The following SMARCAL1 variants were observed in gnomAD, a reference collection of about 807,000 sequenced individuals.
SMARCAL1 encodes SNF2 related chromatin remodeling annealing helicase 1, also known as ATP-driven annealing helicase.
SMARCAL1 carries 58 observed loss-of-function variants against 94.5 expected under a neutral mutation model. The ratio of observed to expected loss-of-function variants is 0.61; its 90% CI spans 0.50 to 0.76. The LOEUF is 0.76. Ranked by LOEUF, SMARCAL1 falls within the 30% of genes least tolerant of loss-of-function variation. The pLI, the probability that SMARCAL1 is intolerant of heterozygous loss-of-function variation, is 0.00. For missense variants in SMARCAL1, 1,051 were observed against 1,177.9 expected, an observed-to-expected ratio of 0.89 and a Z score of 1.58; for synonymous variants, 422 against 455.1, an observed-to-expected ratio of 0.93 and a Z score of 0.93.
chr2:216,444,188 A>G (rs903271606), intron 10 of SMARCAL1, among the ~76,000 whole-genome samples: 2 of 152,198 alleles, frequency 1.3e-5, no homozygotes, highest in East Asian at 3.8e-4. Flanking sequence ...CTTCTCTTTG[A>G]TATTACCTGC....
intron 8 of SMARCAL1, among the ~76,000 whole-genome samples, chr2:216,433,341 C>T (rs1694007105): frequency 6.6e-6 from 1 of 152,086 alleles, no homozygotes; most frequent in Non-Finnish European, 1.5e-5. Context: ...GTCTTGGCCT[C>T]CCAAAGTGCT....
chr2:216,473,107 C>T (rs114478311), intron 14 of SMARCAL1, among the ~76,000 whole-genome samples: 20 of 152,226 alleles, frequency 1.3e-4, no homozygotes, highest in South Asian at 1.0e-3. Context: ...ATCTGCCACC[C>T]GCTGCCCCCA....
intron 5 of SMARCAL1, among the ~76,000 whole-genome samples, chr2:216,421,823 A>G (rs1238256932): frequency 6.6e-6 from 1 of 152,196 alleles, no homozygotes; most frequent in Non-Finnish European, 1.5e-5. Flanking sequence ...CCTCACATTC[A>G]AGCATTGTCC....
chr2:216,427,034 G>A (rs996441837), intron 6 of SMARCAL1: 11 of 152,166 alleles, frequency 7.2e-5, no homozygotes, highest in African/African-American at 2.7e-4. Flanking sequence ...AGTGAAATTG[G>A]CATAAGTCCT....
chr2:216,431,329 C>T (rs562726604), intron 7 of SMARCAL1, among the ~76,000 whole-genome samples: 22 of 152,340 alleles, frequency 1.4e-4, no homozygotes, highest in East Asian at 1.9e-4. Flanking sequence ...ACTATCCCAG[C>T]GGCTTATTAT....
chr2:216,478,062 G>T (rs886310373), intron 16 of SMARCAL1, 141 bp from the exon 17 acceptor site: 22 of 778,048 alleles, frequency 2.8e-5, no homozygotes, highest in Middle Eastern at 6.0e-4. Context: ...TTCAAGATGG[G>T]TGTTTGCACC....
Position 216,475,298 on chromosome 2 carries a change from C to T in SMARCAL1, c.2274C>T (p.Ser758=). The T allele has an allele frequency of 6.2e-7, 1 of 1,614,220 alleles. No individual in the cohort carries two copies. Among genetic ancestry groups the T allele is most frequent in the Middle Eastern group, 1.6e-4 (1 of 6,062 alleles). The change falls in exon 15 of 18, where the codon TCC becomes TCT. Residue 758 remains serine (S), a synonymous_variant. Transcript: ENST00000357276. The surrounding 1 kb of genome is among the most constrained non-coding windows in gnomAD (Gnocchi z 4.4). ...KHVQHIRIDG[S]TSSAEREDLC... ...TGCAGCACATCCGCATCGATGGCTC[C>T]ACCTCATCAGCTGAGCGGGAGGACC...
intron 11 of SMARCAL1, among the ~76,000 whole-genome samples, chr2:216,447,647 A>C (rs1379121522): frequency 1.4e-5 from 2 of 146,374 alleles, no homozygotes; most frequent in African/African-American, 5.2e-5. Flanking sequence ...TATGAAGTAA[A>C]GGTGGGAAAT....
At chr2:216,474,232 C>T (rs1401586659) in intron 14 of SMARCAL1, among the ~76,000 whole-genome samples, 6 of 147,038 alleles carry the variant, frequency 4.1e-5, no homozygotes, top group African/African-American at 7.5e-5. Flanking sequence ...CTCTGCCTCC[C>T]GGATTCAAGT....
chr2:216,477,124 G>C lies in SMARCAL1; in HGVS notation c.2443G>C (p.Glu815Gln). 1 of 1,582,600 alleles carries C rather than the reference G, an allele frequency of 6.3e-7. No individual in the cohort carries two copies. The highest frequency in any genetic ancestry group is 8.6e-7 in the Non-Finnish European group (1 of 1,164,224). ...FWNPGVLIQA[E>Q]DRVHRIGQTS... ...GGACACACAGGTGCTGATCCAGGCTGAGGACCGCGTGCACCGCATTGGACA... is the reference window on the plus strand; with the variant it reads ...GGACACACAGGTGCTGATCCAGGCTCAGGACCGCGTGCACCGCATTGGACA... Residue 815 changes from glutamate to glutamine, a missense_variant, in exon 16 of 18, where the codon GAG becomes CAG. Transcript: ENST00000357276.
intron 10 of SMARCAL1, 43 bp from the exon 11 acceptor site, chr2:216,446,975 C>T (rs1259341427): frequency 1.9e-6 from 3 of 1,613,484 alleles, no homozygotes; most frequent in South Asian, 1.1e-5. Context: ...TTCCTGTGTG[C>T]TCCTCCCTGT....
intron 11 of SMARCAL1, 25 bp from the exon 12 acceptor site, chr2:216,450,821 G>A (rs921739568): frequency 6.3e-7 from 1 of 1,592,776 alleles, no homozygotes; most frequent in Non-Finnish European, 8.6e-7. Context: ...GCCTCATGGG[G>A]CTGTCGCTGT....
At position 216,475,379 on chromosome 2, in the gene SMARCAL1, C is replaced by T. The variant is rs560510661; in HGVS notation, c.2355C>T (p.Thr785=). Residue 785 remains threonine, a synonymous_variant, in exon 15 of 18, where the codon ACC becomes ACT. Transcript: ENST00000357276. This position sits in a 1 kb window ranked among gnomAD's most constrained non-coding sequence, Gnocchi z 4.4. ...ERHAVAVLSI[T]AANMGLTFSS... is the part of the protein sequence containing the mutation. Reference sequence around the variant, plus strand: ...ATGCTGTGGCCGTGCTGTCCATCACCGCTGCCAATATGGGCCTCACCTTCT... The same window carrying T: ...ATGCTGTGGCCGTGCTGTCCATCACTGCTGCCAATATGGGCCTCACCTTCT... The T allele has an allele frequency of 1.4e-5, 23 of 1,614,176 alleles. No homozygotes were observed. Among genetic ancestry groups the T allele is most frequent in the Middle Eastern group, 1.6e-4 (1 of 6,062 alleles).
At chr2:216,446,468 C>T (rs1694316332) in intron 10 of SMARCAL1, among the ~76,000 whole-genome samples, 1 of 152,206 alleles carries the variant, frequency 6.6e-6, no homozygotes, top group Admixed American at 6.5e-5. Flanking sequence ...CAACCCCTGA[C>T]ACTTCCTCTT....
chr2:216,424,868 T>C (rs1450386733), intron 6 of SMARCAL1, among the ~76,000 whole-genome samples: 1 of 152,240 alleles, frequency 6.6e-6, no homozygotes, highest in African/African-American at 2.4e-5. Context: ...TGAGACTCTC[T>C]GGCTGCTACT....
At chr2:216,416,638 G>T (rs1218416185) in intron 4 of SMARCAL1, among the ~76,000 whole-genome samples, 1 of 152,186 alleles carries the variant, frequency 6.6e-6, no homozygotes, top group East Asian at 1.9e-4. Context: ...GTAACACAGG[G>T]TCACATAGCC....
intron 5 of SMARCAL1, among the ~76,000 whole-genome samples, chr2:216,421,341 A>C (rs1693715866): frequency 6.6e-6 from 1 of 152,146 alleles, no homozygotes; most frequent in Admixed American, 6.5e-5. Flanking sequence ...TCTGTTGCCC[A>C]GGCTGGAGTG....
intron 11 of SMARCAL1, 77 bp downstream of exon 11, chr2:216,447,235 C>A: frequency 6.4e-7 from 1 of 1,553,322 alleles, no homozygotes; most frequent in Non-Finnish European, 8.8e-7. Context: ...TTCCTTCTCT[C>A]TGGCCATGAT....
At chr2:216,434,997 T>TA (rs1694049697) in intron 8 of SMARCAL1, among the ~76,000 whole-genome samples, 2 of 151,882 alleles carry the variant, frequency 1.3e-5, no homozygotes, top group Admixed American at 1.3e-4. Context: ...TAGCTGGGAT[T>TA]ACAGGCATGC....
Sources: gnomAD v4.1 joint callset for allele counts (sites outside exome capture counted in the v4.1 genomes callset) on GRCh38, gnomAD v4.1.1 for gene constraint, Gnocchi (gnomAD v3.1) non-coding constraint, MANE v1.5 for transcripts, NCBI Gene and HGNC (gene_info 2026-07-23, HGNC 2026-07-21) for gene names.